The following WNT2 variants were observed in gnomAD, a reference collection of about 807,000 sequenced individuals.
WNT2 encodes the protein protein Wnt-2.
In WNT2, 12 loss-of-function variants were observed where a neutral mutation model predicts 36.9. That is an observed-to-expected ratio of 0.33 (90% CI 0.21 to 0.53). The LOEUF (loss-of-function observed/expected upper bound fraction) is 0.53, where lower values mean the gene tolerates loss of function less well. Among genes scored for constraint, WNT2 ranks in the 20% least tolerant of loss-of-function variants. The probability of loss-of-function intolerance (pLI) is 0.95; values close to 1 mark genes in which losing one functional copy is unlikely to be tolerated. For missense variants in WNT2, 379 were observed against 473.1 expected (o/e 0.80, Z 1.84); for synonymous variants, 163 against 174.6 (o/e 0.93, Z 0.52).
intron 3 of WNT2, among the ~76,000 whole-genome samples, chr7:117,310,130 T>C (rs1477590941): frequency 1.3e-5 from 2 of 152,248 alleles, no homozygotes; most frequent in South Asian, 2.1e-4. Flanking sequence ...CAAACTTTGA[T>C]AGCTATCACT....
At chr7:117,313,827 A>G (rs557865395) in intron 3 of WNT2, among the ~76,000 whole-genome samples, 1 of 152,326 alleles carries the variant, frequency 6.6e-6, no homozygotes, top group East Asian at 1.9e-4. Flanking sequence ...AGTGACTGTA[A>G]GTTCATAAAT....
At position 117,278,236 on chromosome 7, in the gene WNT2, C is replaced by T. The variant is rs750087735; in HGVS notation, c.1002G>A (p.Val334=). The part of the protein sequence containing the change: ...CGCKFHWCCA[V]RCQDCLEALD... ...GAGCTTCCAGGCAGTCCTGACAGCGCACGGCGCAGCACCAGTGGAACTTAC... is the reference window on the plus strand; with the variant it reads ...GAGCTTCCAGGCAGTCCTGACAGCGTACGGCGCAGCACCAGTGGAACTTAC... The change falls in exon 5 of 5, where the codon GTG becomes GTA. Residue 334 remains valine, a synonymous_variant. Coordinates refer to ENST00000265441, the MANE Select transcript of WNT2 (RefSeq NM_003391.3). 1.2e-5 allele frequency: 20 copies of T among 1,614,114 alleles called. No individual in the cohort carries two copies. The Admixed American group carries it at 1.5e-4, about 12-fold the overall frequency.
In WNT2 at chr7:117,300,309, C is replaced by T. The variant is rs187123626; in HGVS notation, c.589-2433G>A. ...TCAAGCGATTCTACTGCCTCAGCCT[C>T]CCGAATAGCTGGGACTACAGGCGCG... On this transcript the variant is annotated intron_variant, in intron 3 of 4. Transcript: ENST00000265441. Among the ~76,000 whole-genome samples, 1,142 of 152,278 alleles carry T rather than the reference C, an allele frequency of 7.5e-3. 11 individuals are homozygous for T. Among genetic ancestry groups the T allele is most frequent in the Non-Finnish European group, 9.5e-3 (645 of 68,000 alleles).
intron 3 of WNT2, among the ~76,000 whole-genome samples, chr7:117,309,031 A>C (rs1386305929): frequency 6.6e-6 from 1 of 151,738 alleles, no homozygotes; most frequent in Non-Finnish European, 1.5e-5. Flanking sequence ...GAAACATAAA[A>C]AAAAAAAAAA....
Position 117,284,332 on chromosome 7 carries a change from A to G in WNT2, c.854-5948T>C, listed in dbSNP as rs1794545944. ...AGAAAGCATCACCATTATGTTTCCA[A>G]TAAAATATAAGAACCAAGAGTATGT... is the stretch of plus-strand genomic sequence containing the variant. On this transcript the variant is annotated intron_variant, in intron 4 of 4. Coordinates refer to ENST00000265441, the MANE Select transcript of WNT2 (RefSeq NM_003391.3). The surrounding 1 kb of genome is among the most constrained non-coding windows in gnomAD (Gnocchi z 5.2). Among the ~76,000 whole-genome samples the G allele has an allele frequency of 1.3e-5, 2 of 152,338 alleles. No homozygotes were observed. Among genetic ancestry groups the G allele is most frequent in the Non-Finnish European group, 2.9e-5 (2 of 68,038 alleles).
At chr7:117,308,730 C>T (rs910045147) in intron 3 of WNT2, among the ~76,000 whole-genome samples, 3 of 152,168 alleles carry the variant, frequency 2.0e-5, no homozygotes, top group African/African-American at 4.8e-5. Context: ...GTGAAAGCAA[C>T]GTGGCTCTGC....
At chr7:117,304,498 G>A (rs1288398357) in intron 3 of WNT2, among the ~76,000 whole-genome samples, 5 of 148,850 alleles carry the variant, frequency 3.4e-5, no homozygotes, top group African/African-American at 1.2e-4. Context: ...GTGCAATGGC[G>A]AGGTCTCTGC....
intron 4 of WNT2, 109 bp from the exon 5 acceptor site, chr7:117,278,493 C>T: frequency 1.9e-6 from 2 of 1,061,098 alleles, no homozygotes; most frequent in Admixed American, 4.9e-5. Flanking sequence ...CTGACCCTCT[C>T]TTCCTACAGC....
intron 2 of WNT2, among the ~76,000 whole-genome samples, 184 bp from the exon 3 acceptor site, chr7:117,315,532 A>G (rs2116387481): frequency 6.6e-6 from 1 of 152,198 alleles, no homozygotes; most frequent in Middle Eastern, 3.2e-3. Context: ...AACCATCTCC[A>G]TCTAATATAG....
rs17139595 is a variant in WNT2, at chr7:117,285,644, A to G, written c.854-7260T>C. On this transcript the variant is annotated intron_variant, in intron 4 of 4. Coordinates refer to ENST00000265441, the MANE Select transcript of WNT2 (RefSeq NM_003391.3). ...AGACATTTTAAAAATAGTTTCAATTACCGGTCCTATCATTAGAGTCTCCCA... is the reference window on the plus strand; with the variant it reads ...AGACATTTTAAAAATAGTTTCAATTGCCGGTCCTATCATTAGAGTCTCCCA... Among the ~76,000 whole-genome samples the G allele has an allele frequency of 6.3e-3, 960 of 152,348 alleles. 13 individuals are homozygous for G. The highest frequency in any genetic ancestry group is 0.022 in the African/African-American group (904 of 41,592).
At chr7:117,306,790 G>A (rs1244363930) in intron 3 of WNT2, among the ~76,000 whole-genome samples, 3 of 152,186 alleles carry the variant, frequency 2.0e-5, no homozygotes, top group Admixed American at 6.5e-5. Flanking sequence ...ACTTGTTCAT[G>A]TGACATAGCT....
At chr7:117,318,013 G>A (rs1472467570) in intron 2 of WNT2, among the ~76,000 whole-genome samples, 1 of 152,102 alleles carries the variant, frequency 6.6e-6, no homozygotes, top group Non-Finnish European at 1.5e-5. Context: ...TTGTTTCTCT[G>A]CCTGTGACTG....
intron 3 of WNT2, among the ~76,000 whole-genome samples, chr7:117,307,197 C>A (rs1015109449): frequency 2.0e-5 from 3 of 152,106 alleles, no homozygotes; most frequent in Admixed American, 6.6e-5. Context: ...TTTTATATTT[C>A]TCTGCTCTAA....
At chr7:117,297,248 CTTTTT>C (rs1468504044) in intron 4 of WNT2, among the ~76,000 whole-genome samples, 1 of 152,026 alleles carries the variant, frequency 6.6e-6, no homozygotes, top group East Asian at 1.9e-4. Context: ...TTTCTTTATT[CTTTTT>C]TTGAGATGGA....
chr7:117,299,141 G>A (rs750609834), intron 3 of WNT2, among the ~76,000 whole-genome samples: 9 of 152,142 alleles, frequency 5.9e-5, no homozygotes, highest in Non-Finnish European at 8.8e-5. Context: ...ATTCCTCTTC[G>A]GAATTACACT....
chr7:117,283,920 C>T (rs1390142770), intron 4 of WNT2, among the ~76,000 whole-genome samples: 1 of 152,154 alleles, frequency 6.6e-6, no homozygotes, highest in African/African-American at 2.4e-5. Context: ...GATGAGAGAA[C>T]AGCAGTGAGG....
chr7:117,286,400 A>C (rs544008372), intron 4 of WNT2, among the ~76,000 whole-genome samples: 1 of 150,908 alleles, frequency 6.6e-6, no homozygotes, highest in African/African-American at 2.4e-5. Context: ...CTCCTCTCTC[A>C]ATCTCTCTTT....
At chr7:117,296,722 T>C (rs767844978) in intron 4 of WNT2, among the ~76,000 whole-genome samples, 1 of 152,162 alleles carries the variant, frequency 6.6e-6, no homozygotes, top group Non-Finnish European at 1.5e-5. Context: ...GTAAACCTGA[T>C]AGGTGGGACA....
In WNT2 at chr7:117,284,292, T is replaced by C. The variant is rs781055011; in HGVS notation, c.854-5908A>G. ...TAGCAGTAGGGCCATACTGTTCCAT[T>C]GGTCTTTCCAAAACAGAAAGCATCA... is the stretch of plus-strand genomic sequence containing the variant. On this transcript the variant is annotated intron_variant, in intron 4 of 4. Transcript: ENST00000265441. The surrounding 1 kb of genome is among the most constrained non-coding windows in gnomAD (Gnocchi z 5.2). Among the ~76,000 whole-genome samples the C allele has an allele frequency of 2.0e-5, 3 of 152,200 alleles. No individual in the cohort carries two copies. The highest frequency in any genetic ancestry group is 2.9e-5 in the Non-Finnish European group (2 of 68,032).
Sources: allele counts gnomAD v4.1 joint callset (sites outside exome capture counted in the v4.1 genomes callset), GRCh38; gene constraint gnomAD v4.1.1; non-coding constraint Gnocchi (gnomAD v3.1); transcripts MANE v1.5; gene names NCBI Gene and HGNC (gene_info 2026-07-23, HGNC 2026-07-21).